CACNA1E: variants seen among roughly 807,000 people sequenced by gnomAD.
The protein encoded by CACNA1E is voltage-dependent R-type calcium channel subunit alpha-1E.
A neutral mutation model predicts 259.2 loss-of-function variants in CACNA1E; 40 were observed. That is an observed-to-expected ratio of 0.15 (90% CI 0.12 to 0.20). The LOEUF (loss-of-function observed/expected upper bound fraction) is 0.20. Among genes scored for constraint, CACNA1E ranks in the 10% least tolerant of loss-of-function variants. The pLI is 1.00. For missense variants in CACNA1E, 1,874 were observed against 3,040.1 expected, an observed-to-expected ratio of 0.62 and a Z score of 9.02; for synonymous variants, 1,104 against 1,138.5, an observed-to-expected ratio of 0.97 and a Z score of 0.61.
At chr1:181,585,011 T>TC (rs375804432) in intron 6 of CACNA1E, among the ~76,000 whole-genome samples, 3,686 of 146,024 alleles carry the variant, frequency 0.025, 64 homozygotes, top group Middle Eastern at 0.064. Context: ...AATAAACTGG[T>TC]CCCCCCCCCT....
At chr1:181,778,181 G>A (rs2102806548) in intron 38 of CACNA1E, among the ~76,000 whole-genome samples, 2 of 152,258 alleles carry the variant, frequency 1.3e-5, no homozygotes, top group Middle Eastern at 6.8e-3. Context: ...TATAAGGTGG[G>A]TGAGGAAGAC....
At chr1:181,388,905 C>G (rs1162760676) in intron 1 of CACNA1E, among the ~76,000 whole-genome samples, 1 of 150,578 alleles carries the variant, frequency 6.6e-6, no homozygotes, top group Non-Finnish European at 1.5e-5. Context: ...AAAAAAAAAA[C>G]GTGTTATGAT....
chr1:181,683,632 A>G (rs1314943824), intron 7 of CACNA1E, among the ~76,000 whole-genome samples: 1 of 152,064 alleles, frequency 6.6e-6, no homozygotes, highest in Non-Finnish European at 1.5e-5. Context: ...TTGTTAACCT[A>G]TTTCTGTCCA....
chr1:181,328,106 G>A, intron 1 of CACNA1E, among the ~76,000 whole-genome samples: 1 of 152,198 alleles, frequency 6.6e-6, no homozygotes, highest in East Asian at 1.9e-4. Flanking sequence ...ACTGTAGGCT[G>A]GGTGGCTCTT....
chr1:181,320,124 A>C (rs1311527020), intron 1 of CACNA1E, among the ~76,000 whole-genome samples: 1 of 152,186 alleles, frequency 6.6e-6, no homozygotes, highest in African/African-American at 2.4e-5. Flanking sequence ...CATGATATAC[A>C]GTGACCCACA....
In CACNA1E at chr1:181,349,002, A is replaced by G. The variant is rs541106353; in HGVS notation, c.-15+30879A>G. On this transcript the variant is annotated intron_variant, in intron 1 of 11. Coordinates refer to the CACNA1E transcript ENST00000524607. Reference sequence around the variant, plus strand: ...CAGTGCTTGTCCCACCAGCCATGCCATTCTCCTGGGCAGAGACAGCAGAAT... The same window carrying G: ...CAGTGCTTGTCCCACCAGCCATGCCGTTCTCCTGGGCAGAGACAGCAGAAT... 1.2e-3 allele frequency among the ~76,000 whole-genome samples: 188 copies of G among 151,232 alleles called. 1 individual carries two copies. The highest frequency in any genetic ancestry group is 4.4e-3 in the African/African-American group (180 of 41,248).
At chr1:181,322,228 G>A (rs557811909) in intron 1 of CACNA1E, among the ~76,000 whole-genome samples, 11 of 152,190 alleles carry the variant, frequency 7.2e-5, no homozygotes, top group Admixed American at 7.2e-4. Context: ...GGAAAAGCAG[G>A]AAATACAATA....
intron 7 of CACNA1E, among the ~76,000 whole-genome samples, chr1:181,667,834 G>A (rs965844575): frequency 7.9e-5 from 12 of 151,880 alleles, no homozygotes; most frequent in African/African-American, 2.2e-4. Flanking sequence ...TGTGGAGGAC[G>A]TGTCTGTCTT....
At chr1:181,797,301 T>C (rs3845446) in intron 47 of CACNA1E, among the ~76,000 whole-genome samples, 10,031 of 152,234 alleles carry the variant, frequency 0.066, 493 homozygotes, top group East Asian at 0.29. Flanking sequence ...CCCAGCAAGA[T>C]CATGCCTTTT....
chr1:181,599,833 A>G (rs1294555442), intron 6 of CACNA1E, among the ~76,000 whole-genome samples: 7 of 152,240 alleles, frequency 4.6e-5, no homozygotes, highest in Admixed American at 2.6e-4. Flanking sequence ...GGTATTTCCA[A>G]TTGCATTTTT....
At chr1:181,565,092 C>A (rs1473470083) in intron 3 of CACNA1E, among the ~76,000 whole-genome samples, 12 of 152,116 alleles carry the variant, frequency 7.9e-5, no homozygotes, top group Admixed American at 7.9e-4. Context: ...ACTGCATTTA[C>A]CCATAACAAG....
chr1:181,337,641 T>C (rs1003370688), intron 1 of CACNA1E, among the ~76,000 whole-genome samples: 24 of 152,246 alleles, frequency 1.6e-4, no homozygotes, highest in Non-Finnish European at 4.4e-5. Context: ...TTAGGTTCTG[T>C]CTACTATAAC....
chr1:181,511,655 G>T (rs1346717804), intron 3 of CACNA1E, 145 bp downstream of exon 3: 5 of 948,646 alleles, frequency 5.3e-6, no homozygotes, highest in Non-Finnish European at 8.1e-6. Context: ...AGATTCCCCA[G>T]GGTGCTGGAC....
chr1:181,755,225 C>T lies in CACNA1E; in HGVS notation c.3829-12C>T. ...AGGGTTCACACAGCAGGGCTGTTTG[C>T]TCTGTCCACAGGCCGTCTTCGACTG... On this transcript the variant is annotated splice_polypyrimidine_tract_variant and intron_variant, in intron 27 of 47. Coordinates refer to ENST00000367573, the MANE Select transcript of CACNA1E (RefSeq NM_001205293.3). 6.2e-7 allele frequency: 1 copy of T among 1,610,668 alleles called. No homozygotes were observed.
chr1:181,566,073 A>G (rs962204885), intron 3 of CACNA1E, among the ~76,000 whole-genome samples: 4 of 152,234 alleles, frequency 2.6e-5, no homozygotes, highest in Non-Finnish European at 5.9e-5. Flanking sequence ...TGATGCTGCA[A>G]TCATAGGATA....
rs114336099 is a variant in CACNA1E at position 181,688,353 on chromosome 1, T to C, written c.1056-22601T>C. On this transcript the variant is annotated intron_variant, in intron 7 of 47. Coordinates refer to ENST00000367573, the MANE Select transcript of CACNA1E (RefSeq NM_001205293.3). ...CTTCACTTTCGCTGCTGAGCAGAAT[T>C]CTACACAGCAGAAGTGTAAGTGTAT... Among the ~76,000 whole-genome samples the C allele has an allele frequency of 6.4e-3, 981 of 152,324 alleles. 14 individuals carry two copies. Among genetic ancestry groups the C allele is most frequent in the African/African-American group, 0.023 (943 of 41,572 alleles).
At chr1:181,489,607 C>G (rs1664140698) in intron 1 of CACNA1E, among the ~76,000 whole-genome samples, 1 of 152,182 alleles carries the variant, frequency 6.6e-6, no homozygotes, top group South Asian at 2.1e-4. Flanking sequence ...TATGCAACTA[C>G]TAGCCTTTTC....
chr1:181,368,033 C>A (rs909439688), intron 1 of CACNA1E, among the ~76,000 whole-genome samples: 5 of 152,208 alleles, frequency 3.3e-5, no homozygotes, highest in African/African-American at 1.2e-4. Flanking sequence ...GAGTTCGAGA[C>A]CAGCCTGGCC....
chr1:181,740,847 A>G (rs1656503618), intron 25 of CACNA1E, among the ~76,000 whole-genome samples: 1 of 151,996 alleles, frequency 6.6e-6, no homozygotes, highest in African/African-American at 2.4e-5. Flanking sequence ...AGCATGGGGT[A>G]TTTTCTCAAG....
Sources: gnomAD v4.1 joint callset for allele counts (sites outside exome capture counted in the v4.1 genomes callset) on GRCh38, gnomAD v4.1.1 for gene constraint, MANE v1.5 for transcripts, NCBI Gene and HGNC (gene_info 2026-07-23, HGNC 2026-07-21) for gene names.